The following LRRC3B variants were observed in gnomAD, a reference collection of about 807,000 sequenced individuals.
The protein encoded by LRRC3B is leucine rich repeat containing 3B, also known as leucine-rich repeat-containing protein 3B.
LRRC3B carries 2 observed loss-of-function variants against 12.8 expected under a neutral mutation model. The ratio of observed to expected loss-of-function variants is 0.16; its 90% CI spans 0.06 to 0.49. The LOEUF (loss-of-function observed/expected upper bound fraction) is 0.49. Ranked by LOEUF, LRRC3B falls within the 20% of genes least tolerant of loss-of-function variation. The pLI, the probability that LRRC3B is intolerant of heterozygous loss-of-function variation, is 0.96. For synonymous variants in LRRC3B, 132 were observed against 122.0 expected, an observed-to-expected ratio of 1.08 and a Z score of -0.54; for missense variants, 189 against 319.4, an observed-to-expected ratio of 0.59 and a Z score of 3.11.
chr3:26,655,470 A>G lies in LRRC3B; in HGVS notation c.-161+32233A>G, dbSNP rs1025097303. On this transcript the variant is annotated intron_variant, in intron 1 of 1. Coordinates refer to ENST00000396641, the Ensembl canonical transcript of LRRC3B. ...AAACTCGAGCCTTCCTACAATGGAC[A>G]TGACTAAGGCATTTTACTGATAAGC... is the stretch of plus-strand genomic sequence containing the variant. Among the ~76,000 whole-genome samples, 3 of 152,332 alleles carry G rather than the reference A, an allele frequency of 2.0e-5. No individual in the cohort carries two copies. The East Asian group carries it at 5.8e-4, about 29-fold the overall frequency.
intron 1 of LRRC3B, among the ~76,000 whole-genome samples, chr3:26,686,953 CAA>C (rs1420246139): frequency 6.6e-6 from 1 of 152,256 alleles, no homozygotes; most frequent in African/African-American, 2.4e-5. Context: ...TTCTGGAAGG[CAA>C]AGTGTCTCTC....
chr3:26,690,263 G>T (rs1700163976), intron 1 of LRRC3B, among the ~76,000 whole-genome samples: 1 of 152,128 alleles, frequency 6.6e-6, no homozygotes, highest in Non-Finnish European at 1.5e-5. Flanking sequence ...TCTAAAGAAG[G>T]CTAGATGAAG....
At chr3:26,700,498 G>C (rs531819340) in intron 1 of LRRC3B, among the ~76,000 whole-genome samples, 1 of 152,110 alleles carries the variant, frequency 6.6e-6, no homozygotes, top group Non-Finnish European at 1.5e-5. Flanking sequence ...TATTAACATA[G>C]AGACTAATAA....
At chr3:26,665,443 A>T (rs1345398336) in intron 1 of LRRC3B, among the ~76,000 whole-genome samples, 1 of 151,922 alleles carries the variant, frequency 6.6e-6, no homozygotes, top group Non-Finnish European at 1.5e-5. Flanking sequence ...TGTCTCGTTG[A>T]TGTGTTTTTC....
intron 1 of LRRC3B, among the ~76,000 whole-genome samples, chr3:26,635,448 G>C (rs1208212587): frequency 6.6e-6 from 1 of 152,208 alleles, no homozygotes; most frequent in African/African-American, 2.4e-5. Context: ...TCCTCAACAT[G>C]AGATTAGTGT....
chr3:26,661,005 G>A (rs1699480905), intron 1 of LRRC3B, among the ~76,000 whole-genome samples: 1 of 152,150 alleles, frequency 6.6e-6, no homozygotes, highest in African/African-American at 2.4e-5. Flanking sequence ...CATTATTAAT[G>A]TGTGATCATA....
intron 1 of LRRC3B, among the ~76,000 whole-genome samples, chr3:26,657,937 G>GA (rs1334344801): frequency 6.6e-6 from 1 of 152,294 alleles, no homozygotes; most frequent in East Asian, 1.9e-4. Context: ...AGATATAAGA[G>GA]AAAATCAGTG....
chr3:26,640,385 T>C (rs1698999196), intron 1 of LRRC3B, among the ~76,000 whole-genome samples: 2 of 143,790 alleles, frequency 1.4e-5, no homozygotes, highest in Admixed American at 7.0e-5. Flanking sequence ...AAACAAAACA[T>C]ACCCCCAAAA....
intron 1 of LRRC3B, among the ~76,000 whole-genome samples, chr3:26,632,080 G>T (rs1328339938): frequency 6.6e-6 from 1 of 152,178 alleles, no homozygotes. Flanking sequence ...GAGCACTTCT[G>T]GGAGCCTACA....
exon 2 of LRRC3B, chr3:26,709,829 G>T: frequency 6.2e-7 from 1 of 1,614,124 alleles, no homozygotes; most frequent in Non-Finnish European, 8.5e-7. Flanking sequence ...CTGTAGCAAT[G>T]CAAATCTCAA....
intron 1 of LRRC3B, among the ~76,000 whole-genome samples, chr3:26,689,040 C>T (rs2125447645): frequency 6.6e-6 from 1 of 152,308 alleles, no homozygotes; most frequent in African/African-American, 2.4e-5. Flanking sequence ...CCACTTTCCA[C>T]AGGTGGAGAG....
intron 1 of LRRC3B, among the ~76,000 whole-genome samples, chr3:26,691,092 T>TGA: frequency 1.5e-5 from 1 of 65,320 alleles, no homozygotes; most frequent in South Asian, 5.9e-4. Flanking sequence ...TGTGTGTATA[T>TGA]GTGTGTGTGT....
chr3:26,703,581 G>A (rs58909000), intron 1 of LRRC3B, among the ~76,000 whole-genome samples: 12,353 of 151,922 alleles, frequency 0.081, 1,531 homozygotes, highest in African/African-American at 0.27. Context: ...TGTACATTTC[G>A]TGTTCTTTGG....
intron 1 of LRRC3B, among the ~76,000 whole-genome samples, chr3:26,660,656 T>C (rs1486223258): frequency 3.3e-5 from 5 of 152,186 alleles, no homozygotes; most frequent in Non-Finnish European, 7.4e-5. Context: ...GGTATTGTTC[T>C]AGGGCAAATG....
intron 1 of LRRC3B, among the ~76,000 whole-genome samples, chr3:26,688,368 C>A (rs1178801601): frequency 1.3e-5 from 2 of 152,116 alleles, no homozygotes; most frequent in African/African-American, 4.8e-5. Context: ...TTTGCCAGCA[C>A]CAATAAAAAA....
At position 26,680,554 on chromosome 3, in the gene LRRC3B, C is replaced by T. The variant is rs189364644; in HGVS notation, c.-160-28959C>T. Among the ~76,000 whole-genome samples, 585 of 152,330 alleles carry T rather than the reference C, an allele frequency of 3.8e-3. 2 individuals carry two copies. The highest frequency in any genetic ancestry group is 0.024 in the Middle Eastern group (7 of 294). On this transcript the variant is annotated intron_variant, in intron 1 of 1. Transcript: ENST00000396641. ...TAGCCCAGAAGTGTCACACGTATTACACCTCAGTAGTTCCCCAACGCCTCT... is the reference window on the plus strand; with the variant it reads ...TAGCCCAGAAGTGTCACACGTATTATACCTCAGTAGTTCCCCAACGCCTCT...
intron 1 of LRRC3B, among the ~76,000 whole-genome samples, chr3:26,672,988 T>C (rs938603680): frequency 6.6e-6 from 1 of 152,224 alleles, no homozygotes; most frequent in Non-Finnish European, 1.5e-5. Context: ...TAGGTTTATT[T>C]ATTGTCCAAA....
At chr3:26,677,922 C>T (rs933825602) in intron 1 of LRRC3B, among the ~76,000 whole-genome samples, 2 of 152,032 alleles carry the variant, frequency 1.3e-5, no homozygotes, top group Non-Finnish European at 2.9e-5. Flanking sequence ...CACCTCAGTT[C>T]CCGAGTAGCT....
At chr3:26,638,346 G>T (rs1164239271) in intron 1 of LRRC3B, among the ~76,000 whole-genome samples, 2 of 152,098 alleles carry the variant, frequency 1.3e-5, no homozygotes, top group Non-Finnish European at 2.9e-5. Context: ...TACTATAAAG[G>T]TAGTGTAGTC....
Sources: allele counts gnomAD v4.1 joint callset (sites outside exome capture counted in the v4.1 genomes callset), GRCh38; gene constraint gnomAD v4.1.1; transcripts MANE v1.5; gene names NCBI Gene and HGNC (gene_info 2026-07-23, HGNC 2026-07-21).